Variants in TTLL5 observed in about 807,000 individuals in gnomAD.
TTLL5 encodes tubulin polyglutamylase TTLL5.
Under a neutral mutation model 168.4 loss-of-function variants are expected in TTLL5, and 132 were observed. The observed-to-expected ratio is 0.78, with a 90% CI of 0.68 to 0.91. The LOEUF (loss-of-function observed/expected upper bound fraction) is 0.91, where lower values mean the gene tolerates loss of function less well. Ranked by LOEUF, TTLL5 falls within the 40% of genes least tolerant of loss-of-function variation. The pLI is 0.00. For synonymous variants in TTLL5, 546 were observed against 558.6 expected (o/e 0.98, Z 0.32); for missense variants, 1,545 against 1,581.5 (o/e 0.98, Z 0.39).
chr14:75,794,050 G>A (rs1452183874), intron 27 of TTLL5, among the ~76,000 whole-genome samples: 1 of 152,120 alleles, frequency 6.6e-6, no homozygotes, highest in Non-Finnish European at 1.5e-5. Context: ...ATAAAATTTA[G>A]GACCAAAACT....
At chr14:75,870,932 C>T (rs187495619) in intron 29 of TTLL5, among the ~76,000 whole-genome samples, 32 of 151,702 alleles carry the variant, frequency 2.1e-4, no homozygotes, top group Non-Finnish European at 2.8e-4. Flanking sequence ...GTAGCTGGGA[C>T]TACAGGCGCC....
At chr14:75,795,281 ATTG>A (rs1892940245) in intron 27 of TTLL5, among the ~76,000 whole-genome samples, 1 of 152,236 alleles carries the variant, frequency 6.6e-6, no homozygotes, top group South Asian at 2.1e-4. Flanking sequence ...TGTGGAAAAT[ATTG>A]TTATTTCAGC....
intron 31 of TTLL5, among the ~76,000 whole-genome samples, chr14:75,949,600 T>G (rs945085648): frequency 6.6e-6 from 1 of 151,788 alleles, no homozygotes; most frequent in African/African-American, 2.4e-5. Flanking sequence ...CCTGTAATCC[T>G]AGCACTTTGG....
rs751091628 is a variant in TTLL5 at position 75,745,170 on chromosome 14, A to G, written c.1357A>G (p.Lys453Glu). The change falls in exon 16 of 32, where the codon AAG (lysine) becomes GAG (glutamate). Residue 453 changes from lysine to glutamate, a missense_variant. Lys to Glu is a moderately conservative substitution (Grantham distance 56). Transcript: ENST00000298832. ...VGSAREKGPGKLGGSVLGLSM... is the reference protein window; with the variant it reads ...VGSAREKGPGELGGSVLGLSM... ...CTCAGCCCGGGAGAAAGGGCCAGGG[A>G]AGTTGGGTGGTTCTGTGCTTGGTCT... 2 of 1,613,928 alleles carry G rather than the reference A, an allele frequency of 1.2e-6. No homozygotes were observed. Among genetic ancestry groups the G allele is most frequent in the East Asian group, 4.5e-5 (2 of 44,872 alleles).
intron 12 of TTLL5, among the ~76,000 whole-genome samples, chr14:75,722,814 C>T (rs140991047): frequency 6.6e-6 from 1 of 152,194 alleles, no homozygotes; most frequent in East Asian, 1.9e-4. Context: ...CCATGTAAGC[C>T]CTCGCTTGCT....
At chr14:75,873,384 T>G (rs2031208849) in intron 29 of TTLL5, among the ~76,000 whole-genome samples, 1 of 152,216 alleles carries the variant, frequency 6.6e-6, no homozygotes, top group Non-Finnish European at 1.5e-5. Context: ...CTCCAGAACT[T>G]TTTTATATTG....
chr14:75,914,481 A>T (rs2033527465), intron 31 of TTLL5, among the ~76,000 whole-genome samples: 5 of 152,158 alleles, frequency 3.3e-5, no homozygotes, highest in Admixed American at 3.3e-4. Context: ...AAGATTTCAT[A>T]AAAAATGCAT....
intron 28 of TTLL5, among the ~76,000 whole-genome samples, chr14:75,852,143 C>T (rs553830161): frequency 6.6e-6 from 1 of 152,252 alleles, no homozygotes; most frequent in Admixed American, 6.5e-5. Flanking sequence ...AGGATCTGAA[C>T]CTTGCAGGCT....
intron 9 of TTLL5, among the ~76,000 whole-genome samples, chr14:75,714,942 C>T (rs1887326115): frequency 6.6e-6 from 1 of 152,182 alleles, no homozygotes; most frequent in Non-Finnish European, 1.5e-5. Flanking sequence ...ATTTCTATAT[C>T]TGTCTCTAAT....
chr14:75,766,132 AG>A lies in TTLL5; in HGVS notation c.1780del (p.Asp594IlefsTer29). Reference sequence around the variant, plus strand: ...GTGAAGAGGAGGAAGAAGTCGCATTAGATAATGAAGATGAAGAACAGGAGGC... The same window carrying A: ...GTGAAGAGGAGGAAGAAGTCGCATTAATAATGAAGATGAAGAACAGGAGGC... Reference protein sequence around the residue: ...ESEEEEEVALDNEDEEQEASQ... With the variant: ...ESEEEEEVALXNEDEEQEASQ... On this transcript the variant is annotated frameshift_variant, in exon 20 of 32. Coordinates refer to ENST00000298832, the MANE Select transcript of TTLL5 (RefSeq NM_015072.5). LOFTEE classifies it high-confidence loss of function. 1 of 1,614,102 alleles carries A rather than the reference AG, an allele frequency of 6.2e-7. No individual in the cohort carries two copies. The highest frequency in any genetic ancestry group is 8.5e-7 in the Non-Finnish European group (1 of 1,179,994).
chr14:75,830,964 A>C (rs560654352), intron 28 of TTLL5, among the ~76,000 whole-genome samples: 18 of 152,172 alleles, frequency 1.2e-4, no homozygotes, highest in Non-Finnish European at 2.4e-4. Context: ...ATTCACCATG[A>C]TGTCCAGTAT....
In TTLL5 at chr14:75,669,502, A is replaced by G; in HGVS notation, c.161A>G (p.Asn54Ser). 6.2e-6 allele frequency: 10 copies of G among 1,614,074 alleles called. No homozygotes were observed. Among genetic ancestry groups the G allele is most frequent in the Middle Eastern group, 3.3e-4 (2 of 6,062 alleles). The change falls in exon 3 of 32, where the codon AAC (asparagine) becomes AGC (serine). Residue 54 changes from asparagine to serine, a missense_variant. Asn to Ser is a conservative substitution (Grantham distance 46). Transcript: ENST00000298832. The stretch of plus-strand genomic sequence containing the variant: ...GCCGACGCTATTCTTACAAAGGACA[A>G]CAATATTAGAGTAATTGGAGGTGCG... ...FHADAILTKD[N>S]NIRVIGERYH... is the part of the protein sequence containing the mutation.
chr14:75,775,995 A>G (rs1458899979), intron 22 of TTLL5, among the ~76,000 whole-genome samples: 2 of 152,218 alleles, frequency 1.3e-5, no homozygotes, highest in African/African-American at 2.4e-5. Context: ...GAATGTAATG[A>G]CATATTCTTT....
intron 31 of TTLL5, among the ~76,000 whole-genome samples, chr14:75,928,220 T>C (rs1595286868): frequency 6.6e-6 from 1 of 151,758 alleles, no homozygotes; most frequent in East Asian, 1.9e-4. Flanking sequence ...AGCATTTCAT[T>C]GCTTAGCAAA....
intron 22 of TTLL5, among the ~76,000 whole-genome samples, chr14:75,775,865 C>A (rs1388879729): frequency 5.3e-5 from 8 of 152,180 alleles, no homozygotes; most frequent in Admixed American, 2.6e-4. Context: ...TAATTCTTAT[C>A]AAAAGGCATA....
chr14:75,909,453 A>G (rs988574638), intron 31 of TTLL5, among the ~76,000 whole-genome samples: 20 of 151,176 alleles, frequency 1.3e-4, no homozygotes, highest in African/African-American at 4.9e-4. Context: ...TTTTCCCCCC[A>G]CTGCTGTCTT....
At chr14:75,842,503 C>T (rs535957819) in intron 28 of TTLL5, among the ~76,000 whole-genome samples, 5 of 152,240 alleles carry the variant, frequency 3.3e-5, no homozygotes, top group East Asian at 1.9e-4. Context: ...CTTCCCTCCA[C>T]GCTGCTTAGG....
intron 2 of TTLL5, among the ~76,000 whole-genome samples, chr14:75,668,216 A>G (rs181137130): frequency 2.6e-5 from 4 of 152,328 alleles, no homozygotes; most frequent in African/African-American, 9.6e-5. Context: ...TATCAGTTTA[A>G]GTTCCCAAAT....
chr14:75,831,944 G>A (rs893406829), intron 28 of TTLL5, among the ~76,000 whole-genome samples: 25 of 152,264 alleles, frequency 1.6e-4, no homozygotes, highest in African/African-American at 4.6e-4. Flanking sequence ...AGCTCTGTCC[G>A]TTTCTGATCA....
Sources: gnomAD v4.1 joint callset for allele counts (sites outside exome capture counted in the v4.1 genomes callset) on GRCh38, gnomAD v4.1.1 for gene constraint, MANE v1.5 for transcripts, NCBI Gene and HGNC (gene_info 2026-07-23, HGNC 2026-07-21) for gene names.